The following TMEM116 variants were observed in gnomAD, a reference collection of about 807,000 sequenced individuals.
The protein encoded by TMEM116 is transmembrane protein 116.
A neutral mutation model predicts 44.3 loss-of-function variants in TMEM116; 38 were observed. That is an observed-to-expected ratio of 0.86 (90% CI 0.66 to 1.12). The LOEUF is 1.12. Among genes scored for constraint, TMEM116 ranks in the 50% most tolerant of loss-of-function variants. TMEM116 has a pLI of 0.00. For missense variants in TMEM116, 354 were observed against 401.7 expected (o/e 0.88, Z 1.01); for synonymous variants, 132 against 144.8 (o/e 0.91, Z 0.64).
In TMEM116 at chr12:111,936,675, G is replaced by A; in HGVS notation, c.588+17C>T. The A allele has an allele frequency of 6.2e-7, 1 of 1,610,404 alleles. No individual in the cohort carries two copies. Among genetic ancestry groups the A allele is most frequent in the Non-Finnish European group, 8.5e-7 (1 of 1,178,638 alleles). The stretch of plus-strand genomic sequence containing the variant: ...TTTCCTCATCTCTCCACAAAGGAAG[G>A]TAGGGTGGTACCATACCATAATGGT... On this transcript the variant is annotated intron_variant, in intron 8 of 10. Coordinates refer to ENST00000552374, the MANE Select transcript of TMEM116 (RefSeq NM_001193531.2).
chr12:111,983,253 T>C (rs1034519011), intron 4 of TMEM116, among the ~76,000 whole-genome samples: 24 of 152,042 alleles, frequency 1.6e-4, no homozygotes, highest in Non-Finnish European at 3.1e-4. Flanking sequence ...CTGACCAATA[T>C]GGTGAAACCC....
intron 5 of TMEM116, among the ~76,000 whole-genome samples, chr12:111,939,880 CTGTGTGTGTGTGTGTG>C (rs61322648): frequency 0.017 from 2,179 of 130,458 alleles, 59 homozygotes; most frequent in African/African-American, 0.056. Flanking sequence ...CTTCAAAGCT[CTGTGTGTGTGTGTGTG>C]TGTGTGTGTG....
intron 4 of TMEM116, among the ~76,000 whole-genome samples, chr12:111,991,012 A>G (rs955826716): frequency 2.0e-5 from 3 of 152,104 alleles, no homozygotes; most frequent in Admixed American, 6.6e-5. Flanking sequence ...TGAGGTCAAG[A>G]GATCGAGACC....
At chr12:111,931,948 C>A in intron 10 of TMEM116, 121 bp from the exon 11 acceptor site, 1 of 684,392 alleles carries the variant, frequency 1.5e-6, no homozygotes. Flanking sequence ...ACATGAAGAT[C>A]TGACATCAGT....
intron 6 of TMEM116, among the ~76,000 whole-genome samples, 186 bp from the exon 7 acceptor site, chr12:111,937,429 A>G (rs567626369): frequency 6.6e-6 from 1 of 152,320 alleles, no homozygotes; most frequent in South Asian, 2.1e-4. Flanking sequence ...GTTCCTAGGG[A>G]AGTACAATGC....
At chr12:111,959,555 T>C (rs565441765) in intron 4 of TMEM116, among the ~76,000 whole-genome samples, 90 of 152,064 alleles carry the variant, frequency 5.9e-4, no homozygotes, top group Non-Finnish European at 1.1e-3. Context: ...GACCGGCAAA[T>C]TGGATAAAGA....
Position 111,937,674 on chromosome 12 carries a change from A to G in TMEM116, c.366-431T>C, listed in dbSNP as rs572587132. ...TGTAGCTTTAAATAGCCAGCTATTT[A>G]TCCTGCTAAATATAGCCAGCTCCCT... On this transcript the variant is annotated intron_variant, in intron 6 of 10. Coordinates refer to ENST00000552374, the MANE Select transcript of TMEM116 (RefSeq NM_001193531.2). Among the ~76,000 whole-genome samples the G allele has an allele frequency of 9.2e-5, 14 of 152,318 alleles. No homozygotes were observed. In the South Asian group the frequency reaches 2.9e-3, roughly 32 times the overall value.
At chr12:111,937,098 C>T (rs750599287) in intron 7 of TMEM116, 62 bp downstream of exon 7, 21 of 1,457,614 alleles carry the variant, frequency 1.4e-5, no homozygotes, top group Non-Finnish European at 2.0e-5. Context: ...TTTTCCAGCT[C>T]TATTTATAGA....
intron 1 of TMEM116, among the ~76,000 whole-genome samples, chr12:112,010,154 G>A (rs1177262922): frequency 3.9e-5 from 6 of 152,102 alleles, no homozygotes; most frequent in African/African-American, 1.4e-4. Context: ...GTTCATTCCC[G>A]TATCTGCTCC....
At chr12:111,987,713 T>C (rs2076306666) in intron 4 of TMEM116, among the ~76,000 whole-genome samples, 1 of 152,168 alleles carries the variant, frequency 6.6e-6, no homozygotes, top group Non-Finnish European at 1.5e-5. Flanking sequence ...TTGGCATGAA[T>C]GTGGAAACCA....
chr12:111,950,805 TTGCAAAAAA>T (rs1209657388), intron 4 of TMEM116, among the ~76,000 whole-genome samples: 8 of 152,056 alleles, frequency 5.3e-5, no homozygotes, highest in Non-Finnish European at 2.9e-5. Flanking sequence ...TCAAAAGCAA[TTGCAAAAAA>T]TGCAAAAATT....
chr12:111,972,092 A>C (rs1223260750), intron 4 of TMEM116, among the ~76,000 whole-genome samples: 5 of 150,542 alleles, frequency 3.3e-5, no homozygotes, highest in African/African-American at 7.3e-5. Flanking sequence ...AAAAAAAAAA[A>C]AAAACCCACC....
chr12:111,952,891 T>G (rs1027936038), intron 4 of TMEM116, among the ~76,000 whole-genome samples: 1 of 152,202 alleles, frequency 6.6e-6, no homozygotes, highest in Non-Finnish European at 1.5e-5. Context: ...CTATTAGTTC[T>G]GTCCCTCTAG....
chr12:111,988,066 C>T (rs183123087), intron 4 of TMEM116, among the ~76,000 whole-genome samples: 8 of 152,178 alleles, frequency 5.3e-5, no homozygotes, highest in African/African-American at 9.6e-5. Context: ...TGAAATAAGC[C>T]GGACACAAAA....
intron 4 of TMEM116, among the ~76,000 whole-genome samples, chr12:111,951,800 C>A (rs764232660): frequency 1.3e-5 from 2 of 151,824 alleles, no homozygotes; most frequent in African/African-American, 2.4e-5. Context: ...TGCCCATGTA[C>A]CCCTGAACTT....
intron 4 of TMEM116, among the ~76,000 whole-genome samples, chr12:111,952,259 C>T (rs2073790145): frequency 6.6e-6 from 1 of 152,022 alleles, no homozygotes; most frequent in African/African-American, 2.4e-5. Flanking sequence ...AACACACACA[C>T]AACTGACTTG....
rs1378880231 is a variant in TMEM116 at position 111,990,528 on chromosome 12, T to C, written c.210+1230A>G. Among the ~76,000 whole-genome samples, 7 of 152,230 alleles carry C rather than the reference T, an allele frequency of 4.6e-5. No individual in the cohort carries two copies. In the South Asian group the frequency reaches 8.3e-4, roughly 18 times the overall value. On this transcript the variant is annotated intron_variant, in intron 4 of 10. Transcript: ENST00000552374. ...GACTCTAAAACATTTTAAACTCATA[T>C]GAGATCGGTAACATTAGTGCACAGA...
At chr12:111,988,072 CA>C (rs1246298041) in intron 4 of TMEM116, among the ~76,000 whole-genome samples, 2 of 152,098 alleles carry the variant, frequency 1.3e-5, no homozygotes, top group Non-Finnish European at 2.9e-5. Flanking sequence ...AAGCCGGACA[CA>C]AAAGGACAAA....
intron 4 of TMEM116, among the ~76,000 whole-genome samples, chr12:111,964,136 TAAAA>T (rs556004160): frequency 7.6e-6 from 1 of 131,812 alleles, no homozygotes; most frequent in African/African-American, 2.8e-5. Flanking sequence ...AATTTCAGGT[TAAAA>T]AAAAAAAAAA....
Sources: allele counts gnomAD v4.1 joint callset (sites outside exome capture counted in the v4.1 genomes callset), GRCh38; gene constraint gnomAD v4.1.1; transcripts MANE v1.5; gene names NCBI Gene and HGNC (gene_info 2026-07-23, HGNC 2026-07-21).